The following OPRM1 variants were observed in gnomAD, a reference collection of about 807,000 sequenced individuals.
OPRM1 encodes opioid receptor mu 1.
A neutral mutation model predicts 31.8 loss-of-function variants in OPRM1; 27 were observed. The observed-to-expected ratio is 0.85, with a 90% CI of 0.63 to 1.17. The LOEUF is 1.17. OPRM1 is among the 50% of genes most tolerant of loss of function. The pLI is 0.00. For synonymous variants in OPRM1, 196 were observed against 189.9 expected, an observed-to-expected ratio of 1.03 and a Z score of -0.26; for missense variants, 536 against 511.1, an observed-to-expected ratio of 1.05 and a Z score of -0.47.
At chr6:154,143,220 A>G (rs1451933895) in intron 3 of OPRM1, among the ~76,000 whole-genome samples, 1 of 152,166 alleles carries the variant, frequency 6.6e-6, no homozygotes, top group African/African-American at 2.4e-5. Flanking sequence ...TTATGTGTCT[A>G]TTAATACACC....
chr6:154,119,184 A>G lies in OPRM1; in HGVS notation c.*463A>G. 2 of 987,002 alleles carry G rather than the reference A, an allele frequency of 2.0e-6. No homozygotes were observed. The highest frequency in any genetic ancestry group is 2.4e-6 in the Non-Finnish European group (2 of 830,744). 61.1% of individuals were successfully genotyped at this position (987,002 alleles called of 1,614,324 possible). On this transcript the variant is annotated 3_prime_UTR_variant, in exon 4 of 4. Transcript: ENST00000330432. Reference sequence around the variant, plus strand: ...CTTTTTAGTGTTTTGCAAGGGAATGAATCCATTATTCTATTTTAGACTTTT... The same window carrying G: ...CTTTTTAGTGTTTTGCAAGGGAATGGATCCATTATTCTATTTTAGACTTTT...
At chr6:154,058,410 C>T (rs1783749971) in intron 1 of OPRM1, among the ~76,000 whole-genome samples, 1 of 152,132 alleles carries the variant, frequency 6.6e-6, no homozygotes, top group Admixed American at 6.5e-5. Flanking sequence ...CTGACCAAAA[C>T]ATTTTTGGAA....
chr6:154,179,887 T>A (rs1800683738), intron 3 of OPRM1, among the ~76,000 whole-genome samples: 1 of 152,192 alleles, frequency 6.6e-6, no homozygotes, highest in Non-Finnish European at 1.5e-5. Flanking sequence ...ACATGTAGAT[T>A]CCATTTGAGT....
intron 3 of OPRM1, among the ~76,000 whole-genome samples, chr6:154,145,682 GA>G (rs767823083): frequency 1.3e-5 from 2 of 152,180 alleles, no homozygotes; most frequent in Non-Finnish European, 2.9e-5. Context: ...AAAACATTTT[GA>G]AAAAGAAGAA....
intron 3 of OPRM1, among the ~76,000 whole-genome samples, chr6:154,242,209 T>C (rs1426371369): frequency 6.6e-6 from 1 of 152,180 alleles, no homozygotes; most frequent in Non-Finnish European, 1.5e-5. Context: ...AAGATCCTAA[T>C]AATGTGTTAG....
chr6:154,154,145 C>T (rs1321297664), intron 3 of OPRM1, among the ~76,000 whole-genome samples: 2 of 152,120 alleles, frequency 1.3e-5, no homozygotes, highest in African/African-American at 2.4e-5. Context: ...TGTGTGTAGA[C>T]AGCAGTCAAG....
rs77402678 is a variant in OPRM1 at position 154,086,539 on chromosome 6, G to A, written c.291-3287G>A. 4,060 of 982,272 alleles carry A rather than the reference G, an allele frequency of 4.1e-3. 72 individuals are homozygous for A. The African/African-American group carries it at 0.049, about 12-fold the overall frequency. The allele number at this position is 982,272 out of a possible 1,614,324, so 60.8% of individuals were successfully genotyped here. A position where few individuals can be genotyped will look rare whatever the true frequency, so the allele number is the denominator to read the frequency against. On this transcript the variant is annotated intron_variant, in intron 1 of 3. Transcript: ENST00000330432. ...ATGCTAATTAACTATGCATAACCAC[G>A]TTTCCTTTCACCATGTTGAACCCTG...
intron 3 of OPRM1, among the ~76,000 whole-genome samples, chr6:154,099,638 C>A (rs11968090): frequency 2.4e-5 from 3 of 123,038 alleles, no homozygotes; most frequent in Non-Finnish European, 5.0e-5. Context: ...CACATATATA[C>A]ACACATATAT....
intron 3 of OPRM1, among the ~76,000 whole-genome samples, chr6:154,102,267 G>T (rs184642838): frequency 6.7e-6 from 1 of 149,286 alleles, no homozygotes; most frequent in Admixed American, 6.6e-5. Context: ...TGGGCTGAAT[G>T]TTCTTGGGCA....
intron 1 of OPRM1, among the ~76,000 whole-genome samples, chr6:154,056,010 A>G (rs1783199283): frequency 6.6e-6 from 1 of 152,158 alleles, no homozygotes; most frequent in African/African-American, 2.4e-5. Context: ...GAATTTAGGG[A>G]TTTCTAATTT....
At chr6:154,230,552 C>CA (rs1779639719) in intron 3 of OPRM1, among the ~76,000 whole-genome samples, 1 of 152,116 alleles carries the variant, frequency 6.6e-6, no homozygotes, top group South Asian at 2.1e-4. Flanking sequence ...GTCAGAAAAG[C>CA]AGAAGGGCTG....
intron 3 of OPRM1, among the ~76,000 whole-genome samples, chr6:154,177,388 A>G (rs951347667): frequency 4.0e-4 from 61 of 151,632 alleles, no homozygotes; most frequent in African/African-American, 1.4e-3. Context: ...CAATCTATCC[A>G]TCTGACAAAG....
chr6:154,147,581 C>A (rs764564512), intron 3 of OPRM1, among the ~76,000 whole-genome samples: 2 of 152,132 alleles, frequency 1.3e-5, no homozygotes, highest in Non-Finnish European at 2.9e-5. Flanking sequence ...CAAGAGACAC[C>A]CTAATAGATC....
chr6:154,077,053 A>G (rs1436235152), intron 1 of OPRM1, among the ~76,000 whole-genome samples: 10 of 152,182 alleles, frequency 6.6e-5, no homozygotes, highest in Admixed American at 5.9e-4. Context: ...CAATAGATCT[A>G]CAAGCCTTTT....
At chr6:154,113,949 C>A (rs1193779261) in intron 3 of OPRM1, among the ~76,000 whole-genome samples, 2 of 152,130 alleles carry the variant, frequency 1.3e-5, no homozygotes, top group Non-Finnish European at 2.9e-5. Flanking sequence ...GCCAGGGAAG[C>A]AGTGAGTCCA....
intron 3 of OPRM1, among the ~76,000 whole-genome samples, chr6:154,099,330 A>AGGAAGGAT (rs1793997362): frequency 8.4e-6 from 1 of 119,290 alleles, no homozygotes; most frequent in Non-Finnish European, 1.7e-5. Flanking sequence ...GAAGGAAGGA[A>AGGAAGGAT]GGGAGGGAGG....
chr6:154,099,308 A>AGGGAGGAAGGAAGG (rs1562469632), intron 3 of OPRM1, among the ~76,000 whole-genome samples: 1 of 87,174 alleles, frequency 1.1e-5, no homozygotes, highest in Non-Finnish European at 2.1e-5. Context: ...AGGAAGGAAG[A>AGGGAGGAAGGAAGG]AAGGAAGGAA....
At chr6:154,201,542 T>G (rs1777068293) in intron 3 of OPRM1, among the ~76,000 whole-genome samples, 2 of 152,194 alleles carry the variant, frequency 1.3e-5, no homozygotes, top group Non-Finnish European at 2.9e-5. Context: ...GAAGGCATTT[T>G]ATGGTTCAGT....
chr6:154,019,708 G>A (rs1778233931), intron 1 of OPRM1, among the ~76,000 whole-genome samples: 1 of 146,742 alleles, frequency 6.8e-6, no homozygotes, highest in South Asian at 2.2e-4. Context: ...GTTTCTCTAT[G>A]TATTTCCATA....
Sources: gnomAD v4.1 joint callset for allele counts (sites outside exome capture counted in the v4.1 genomes callset) on GRCh38, gnomAD v4.1.1 for gene constraint, MANE v1.5 for transcripts, NCBI Gene and HGNC (gene_info 2026-07-23, HGNC 2026-07-21) for gene names.